ODAD4: variants seen among roughly 807,000 people sequenced by gnomAD.
ODAD4 encodes the protein outer dynein arm-docking complex subunit 4.
Under a neutral mutation model 51.8 loss-of-function variants are expected in ODAD4, and 49 were observed. That is an observed-to-expected ratio of 0.95 (90% CI 0.75 to 1.20). The LOEUF is 1.20. ODAD4 is among the 50% of genes most tolerant of loss of function. The probability of loss-of-function intolerance (pLI) is 0.00; values close to 1 mark genes in which losing one functional copy is unlikely to be tolerated. For synonymous variants in ODAD4, 235 were observed against 221.3 expected (o/e 1.06, Z -0.55); for missense variants, 590 against 586.5 (o/e 1.01, Z -0.06).
At chr17:41,931,084 T>TG (rs1207573598) in intron 1 of ODAD4, among the ~76,000 whole-genome samples, 2 of 151,732 alleles carry the variant, frequency 1.3e-5, no homozygotes, top group Non-Finnish European at 2.9e-5. Flanking sequence ...TTAGTAGAGA[T>TG]GGGGGTTTCA....
chr17:41,934,848 C>T (rs1374739257), intron 1 of ODAD4, among the ~76,000 whole-genome samples: 1 of 152,094 alleles, frequency 6.6e-6, no homozygotes, highest in African/African-American at 2.4e-5. Flanking sequence ...TTGGTGTGCA[C>T]AAAATACCCT....
Position 41,930,822 on chromosome 17 carries a change from G to T in ODAD4, c.99G>T (p.Ala33=). ...TGTGCGGGGAATTTTCTAAAGCCGC[G>T]CAGAGCTTCAGCAACGTGAGTCGAG... ...LYLCGEFSKA[A]QSFSNALYLQ... is the part of the protein sequence containing the mutation. The change falls in exon 1 of 12, where the codon GCG becomes GCT. Residue 33 remains alanine (A), a synonymous_variant. Coordinates refer to ENST00000377540, the MANE Select transcript of ODAD4 (RefSeq NM_031421.5). 2 of 1,577,768 alleles carry T rather than the reference G, an allele frequency of 1.3e-6. No individual in the cohort carries two copies. Among genetic ancestry groups the T allele is most frequent in the Non-Finnish European group, 1.7e-6 (2 of 1,160,808 alleles).
chr17:41,955,704 G>T (rs962314967), intron 10 of ODAD4, among the ~76,000 whole-genome samples: 1 of 152,154 alleles, frequency 6.6e-6, no homozygotes, highest in African/African-American at 2.4e-5. Context: ...GATTACAGGC[G>T]TGAGCCACTG....
rs73307801 is a variant in ODAD4 at position 41,936,364 on chromosome 17, A to G, written c.398-109A>G. The G allele has an allele frequency of 1.7e-3, 1,363 of 785,632 alleles. 16 individuals are homozygous for G. The African/African-American group carries it at 0.021, about 12-fold the overall frequency. The allele number at this position is 785,632 out of a possible 1,614,324, so 48.7% of individuals were successfully genotyped here. ...AGGCTGGCTTAGGGCCAGCTTTGCC[A>G]CAGCCTCCACCATCCCCCTGCCAAA... is the stretch of plus-strand genomic sequence containing the variant. On this transcript the variant is annotated intron_variant, in intron 3 of 11. Transcript: ENST00000377540.
chr17:41,939,546 C>A (rs1387658480), intron 7 of ODAD4, among the ~76,000 whole-genome samples: 2 of 151,752 alleles, frequency 1.3e-5, no homozygotes, highest in African/African-American at 2.4e-5. Context: ...AGATGTCAAG[C>A]AAAAAGGGAC....
chr17:41,960,455 AAAACAAAC>A (rs782286501), intron 10 of ODAD4, among the ~76,000 whole-genome samples: 13 of 151,808 alleles, frequency 8.6e-5, no homozygotes, highest in African/African-American at 2.9e-4. Context: ...CTCAAAAAAA[AAAACAAAC>A]AAACAAACAA....
At chr17:41,945,371 G>A (rs1598080282) in intron 8 of ODAD4, 149 bp downstream of exon 8, 8 of 636,278 alleles carry the variant, frequency 1.3e-5, no homozygotes, top group African/African-American at 3.7e-5. Context: ...AATTAGCCGC[G>A]CATACTGTCC....
chr17:41,949,114 T>C, intron 8 of ODAD4, 39 bp from the exon 9 acceptor site: 1 of 398,414 alleles, frequency 2.5e-6, no homozygotes, highest in Non-Finnish European at 4.4e-6. Context: ...GTGCATGGTT[T>C]TGGGGGATGA....
chr17:41,965,238 A>G lies in ODAD4; in HGVS notation c.1774A>G (p.Arg592Gly), dbSNP rs1165564144. The change falls in exon 12 of 12, where the codon AGA (arginine) becomes GGA (glycine). Residue 592 changes from arginine to glycine, a missense_variant. Coordinates refer to ENST00000377540, the MANE Select transcript of ODAD4 (RefSeq NM_031421.5). ...AKGLSGELGT[R>G]SGETGRKLLE... ...GGGCCTGTCAGGAGAATTAGGCACA[A>G]GATCAGGAGAAACAGGCAGGAAGCT... 1.3e-6 allele frequency: 1 copy of G among 776,944 alleles called. No homozygotes were observed. Among genetic ancestry groups the G allele is most frequent in the African/African-American group, 1.7e-5 (1 of 59,174 alleles). 48.1% of individuals were successfully genotyped at this position (776,944 alleles called of 1,614,324 possible). A position where few individuals can be genotyped will look rare whatever the true frequency, so the allele number is the denominator to read the frequency against.
intron 9 of ODAD4, among the ~76,000 whole-genome samples, chr17:41,951,001 C>T (rs2050643653): frequency 6.6e-6 from 1 of 151,794 alleles, no homozygotes; most frequent in South Asian, 2.1e-4. Flanking sequence ...TAAGCCACTG[C>T]ACCCGGCCTC....
intron 10 of ODAD4, among the ~76,000 whole-genome samples, chr17:41,960,004 C>T (rs1027214962): frequency 2.0e-5 from 3 of 152,228 alleles, no homozygotes; most frequent in Admixed American, 6.5e-5. Context: ...GCGAAGAGCA[C>T]CCACCTCACT....
intron 7 of ODAD4, among the ~76,000 whole-genome samples, chr17:41,940,395 C>T (rs2050489892): frequency 6.6e-6 from 1 of 152,192 alleles, no homozygotes; most frequent in Non-Finnish European, 1.5e-5. Flanking sequence ...CACCCTGGCC[C>T]TCTTATAGCA....
intron 8 of ODAD4, among the ~76,000 whole-genome samples, chr17:41,948,736 G>T (rs1212275395): frequency 6.6e-6 from 1 of 151,862 alleles, no homozygotes; most frequent in Non-Finnish European, 1.5e-5. Context: ...CACCTCCCGG[G>T]TTCAAGTGAT....
Position 41,936,470 on chromosome 17 carries a change from C to T in ODAD4, c.398-3C>T, listed in dbSNP as rs2050428598. On this transcript the variant is annotated splice_polypyrimidine_tract_variant and splice_region_variant and intron_variant, in intron 3 of 11. Coordinates refer to ENST00000377540, the MANE Select transcript of ODAD4 (RefSeq NM_031421.5). ...ACCTGAGCTCCAGCTTCTTTCCTTG[C>T]AGGTCCTTCTTCCATTAAGCTGGAG... 1.9e-6 allele frequency: 3 copies of T among 1,611,814 alleles called. No homozygotes were observed. The highest frequency in any genetic ancestry group is 1.1e-5 in the South Asian group (1 of 90,924).
chr17:41,945,343 C>CAAAA, intron 8 of ODAD4, 121 bp downstream of exon 8: 38 of 438,928 alleles, frequency 8.7e-5, no homozygotes, highest in South Asian at 2.1e-4. Context: ...TCCCTCTCTA[C>CAAAA]AAAAAAAAAA....
chr17:41,965,645 T>C lies in ODAD4; in HGVS notation c.*162T>C. 1.7e-6 allele frequency: 1 copy of C among 588,296 alleles called. No individual in the cohort carries two copies. The allele number at this position is 588,296 out of a possible 1,614,324, so 36.4% of individuals were successfully genotyped here. A position where few individuals can be genotyped will look rare whatever the true frequency, so the allele number is the denominator to read the frequency against. The stretch of plus-strand genomic sequence containing the variant: ...GCCATTAAATAGGTGTCTTTCACTC[T>C]TGCAAACCCTGAGTCTGTCACTTTG... On this transcript the variant is annotated 3_prime_UTR_variant, in exon 12 of 12. Coordinates refer to ENST00000377540, the MANE Select transcript of ODAD4 (RefSeq NM_031421.5).
rs371648458 is a variant in ODAD4 at position 41,938,714 on chromosome 17, G to A, written c.783G>A (p.Arg261=). The part of the protein sequence containing the change: ...DRKLMQEKWL[R]DHKRRPSQTA... ...AGCTGATGCAAGAGAAATGGCTGCGGGACCACAAACGCCGTCCCTCACAGA... is the reference window on the plus strand; with the variant it reads ...AGCTGATGCAAGAGAAATGGCTGCGAGACCACAAACGCCGTCCCTCACAGA... The change falls in exon 6 of 12, where the codon CGG becomes CGA. Residue 261 remains arginine (R), a synonymous_variant. Coordinates refer to ENST00000377540, the MANE Select transcript of ODAD4 (RefSeq NM_031421.5). 201 of 1,613,740 alleles carry A rather than the reference G, an allele frequency of 1.2e-4. No individual in the cohort carries two copies. The highest frequency in any genetic ancestry group is 3.3e-4 in the Middle Eastern group (2 of 6,084).
chr17:41,962,715 G>A (rs182429285), intron 11 of ODAD4, among the ~76,000 whole-genome samples: 196 of 152,294 alleles, frequency 1.3e-3, no homozygotes, highest in Middle Eastern at 6.8e-3. Flanking sequence ...GCGTCGGCCC[G>A]TGCCACACTG....
intron 5 of ODAD4, 82 bp from the exon 6 acceptor site, chr17:41,938,475 C>G (rs1035056579): frequency 6.1e-6 from 7 of 1,140,994 alleles, no homozygotes; most frequent in Admixed American, 2.0e-5. Context: ...GAGGGCCCTG[C>G]AGCGGCCACC....
Sources: gnomAD v4.1 joint callset for allele counts (sites outside exome capture counted in the v4.1 genomes callset) on GRCh38, gnomAD v4.1.1 for gene constraint, MANE v1.5 for transcripts, NCBI Gene and HGNC (gene_info 2026-07-23, HGNC 2026-07-21) for gene names.